SEPTIN6: variants seen among roughly 807,000 people sequenced by gnomAD.
SEPTIN6 encodes septin-6.
A neutral mutation model predicts 33.6 loss-of-function variants in SEPTIN6; 8 were observed. The ratio of observed to expected loss-of-function variants is 0.24; its 90% CI spans 0.14 to 0.43. The LOEUF is 0.43. Among genes scored for constraint, SEPTIN6 ranks in the 20% least tolerant of loss-of-function variants. The probability of loss-of-function intolerance (pLI) is 1.00; values close to 1 mark genes in which losing one functional copy is unlikely to be tolerated. For synonymous variants in SEPTIN6, 131 were observed against 140.0 expected (o/e 0.94, Z 0.45); for missense variants, 250 against 340.8 (o/e 0.73, Z 2.10).
intron 1 of SEPTIN6, among the ~76,000 whole-genome samples, chrX:119,677,859 C>T (rs12832146): frequency 0.15 from 16,706 of 112,136 alleles, 1,774 homozygotes; most frequent in African/African-American, 0.38. Flanking sequence ...CCACACCCTC[C>T]CAGTGGAGAA....
chrX:119,651,408 C>T (rs1266139614), intron 4 of SEPTIN6, among the ~76,000 whole-genome samples: 11 of 112,162 alleles, frequency 9.8e-5, no homozygotes, highest in African/African-American at 3.6e-4. Context: ...GGCAGTGGCT[C>T]ATGCTGCTAA....
Position 119,619,959 on chromosome X carries a change from A to G in SEPTIN6, c.*134T>C. 8.4e-7 allele frequency: 1 copy of G among 1,191,791 alleles called. No individual in the cohort carries two copies. The highest frequency in any genetic ancestry group is 1.8e-5 in the African/African-American group (1 of 56,511). On this transcript the variant is annotated 3_prime_UTR_variant, in exon 11 of 11. Transcript: ENST00000394610. Reference sequence around the variant, plus strand: ...GAAGAGAGGAGAGGGCGCGGGTTGGATTGTATGCCCCCCAGGCATGTTAAG... The same window carrying G: ...GAAGAGAGGAGAGGGCGCGGGTTGGGTTGTATGCCCCCCAGGCATGTTAAG...
At chrX:119,639,818 CT>C (rs1207605817) in intron 6 of SEPTIN6, among the ~76,000 whole-genome samples, 2 of 109,675 alleles carry the variant, frequency 1.8e-5, no homozygotes, top group Non-Finnish European at 3.8e-5. Context: ...TTCTTTCTTT[CT>C]TTTTTTTTGA....
At chrX:119,662,343 A>G (rs2054562791) in intron 3 of SEPTIN6, among the ~76,000 whole-genome samples, 1 of 111,730 alleles carries the variant, frequency 9.0e-6, no homozygotes, top group Non-Finnish European at 1.9e-5. Flanking sequence ...CAAACTTGAC[A>G]TGTCCAAAAC....
Position 119,617,119 on chromosome X carries a change from TG to T in SEPTIN6, c.*2973del. On this transcript the variant is annotated 3_prime_UTR_variant, in exon 11 of 11. Transcript: ENST00000394610. ...GTGTACGTGTGTGTGTGTGTGTGTG[TG>T]TGTGTGTGTGTGTGTGTGTGTGTGT... is the stretch of plus-strand genomic sequence containing the variant. 1.3e-6 allele frequency: 1 copy of T among 797,603 alleles called. No homozygotes were observed. The allele number at this position is 797,603 out of a possible 1,213,427, so 65.7% of individuals were successfully genotyped here.
At chrX:119,616,559 G>T, downstream of SEPTIN6, 1 of 579,880 alleles carries the variant, frequency 1.7e-6, no homozygotes, top group Non-Finnish European at 3.0e-6. Context: ...AGAGCTTCTT[G>T]CCTGGACACA....
chrX:119,676,184 G>A (rs189690501), intron 1 of SEPTIN6, among the ~76,000 whole-genome samples: 1 of 112,160 alleles, frequency 8.9e-6, no homozygotes, highest in African/African-American at 3.2e-5. Flanking sequence ...TTATTGGGCC[G>A]GGTTCAGTGG....
intron 5 of SEPTIN6, among the ~76,000 whole-genome samples, chrX:119,647,005 A>T (rs6646439): frequency 0.063 from 6,965 of 110,170 alleles, 183 homozygotes; most frequent in South Asian, 0.15. Context: ...AGCTCCTCTC[A>T]CAGGCATGCC....
At chrX:119,651,488 C>T (rs928735421) in intron 4 of SEPTIN6, among the ~76,000 whole-genome samples, 21 of 111,488 alleles carry the variant, frequency 1.9e-4, no homozygotes, top group African/African-American at 6.5e-4. Flanking sequence ...GCTTGGCCAA[C>T]ATGGTGAAAC....
At chrX:119,628,290 T>G (rs1218525078) in intron 9 of SEPTIN6, among the ~76,000 whole-genome samples, 1 of 107,572 alleles carries the variant, frequency 9.3e-6, no homozygotes, top group Non-Finnish European at 1.9e-5. Context: ...TATTTTTTTT[T>G]TTTTTTTAGA....
chrX:119,682,900 A>G (rs762901858), intron 1 of SEPTIN6, among the ~76,000 whole-genome samples: 159 of 111,930 alleles, frequency 1.4e-3, no homozygotes, highest in Admixed American at 5.2e-3. Flanking sequence ...AAAGTTTGAA[A>G]CTCATTGCTG....
Position 119,637,558 on chromosome X carries a change from TATCC to T in SEPTIN6, c.788-367_788-364del, listed in dbSNP as rs771516167. On this transcript the variant is annotated intron_variant, in intron 6 of 10. Coordinates refer to ENST00000394610, the MANE Select transcript of SEPTIN6 (RefSeq NM_145799.4). ...CCATCCACTCATCCATCCATCCATCTATCCATCCATCCATCCATCCATCCATCCA... is the reference window on the plus strand; with the variant it reads ...CCATCCACTCATCCATCCATCCATCTATCCATCCATCCATCCATCCATCCA... Among the ~76,000 whole-genome samples, 1,024 of 102,519 alleles carry T rather than the reference TATCC, an allele frequency of 1.0e-2. 6 individuals are homozygous for T. The highest frequency in any genetic ancestry group is 0.022 in the African/African-American group (598 of 27,335). The allele number at this position is 102,519 out of a possible 115,157, so 89.0% of individuals were successfully genotyped here.
At chrX:119,635,939 CAG>C (rs759736394) in intron 7 of SEPTIN6, among the ~76,000 whole-genome samples, 1 of 111,475 alleles carries the variant, frequency 9.0e-6, no homozygotes, top group South Asian at 3.8e-4. Context: ...ACACAGGAAA[CAG>C]AGGTATTCAG....
intron 3 of SEPTIN6, among the ~76,000 whole-genome samples, chrX:119,663,005 C>A (rs180823637): frequency 4.4e-5 from 5 of 112,380 alleles, no homozygotes; most frequent in Non-Finnish European, 9.4e-5. Flanking sequence ...GACCTCCCTA[C>A]GTGGAATTGA....
intron 7 of SEPTIN6, 97 bp from the exon 8 acceptor site, chrX:119,633,589 T>A (rs2054004841): frequency 9.6e-7 from 1 of 1,044,377 alleles, no homozygotes; most frequent in East Asian, 3.1e-5. Flanking sequence ...CTGTCCTCCC[T>A]TCCCCAGTTG....
intron 10 of SEPTIN6, among the ~76,000 whole-genome samples, chrX:119,623,707 C>T (rs2053806443): frequency 9.0e-6 from 1 of 111,557 alleles, no homozygotes; most frequent in Non-Finnish European, 1.9e-5. Context: ...GGAATGGTGG[C>T]ACATGCCTAT....
rs376451744 is a variant in SEPTIN6 at position 119,661,301 on chromosome X, C to G, written c.341+2181G>C. On this transcript the variant is annotated intron_variant, in intron 3 of 10. Coordinates refer to ENST00000394610, the MANE Select transcript of SEPTIN6 (RefSeq NM_145799.4). ...AAAAAATTAGCTGGGTGTGGTGGCA[C>G]GAGCCTGTAGTCCCAGCTACTCGGG... 2.1e-4 allele frequency among the ~76,000 whole-genome samples: 23 copies of G among 107,364 alleles called. No homozygotes were observed. The South Asian group carries it at 8.5e-3, about 40-fold the overall frequency. The allele number at this position is 107,364 out of a possible 115,157, so 93.2% of individuals were successfully genotyped here.
rs773977947 is a variant in SEPTIN6, at chrX:119,633,606, AGG to A, written c.957-116_957-115del. The A allele has an allele frequency of 6.1e-6, 6 of 981,022 alleles. No individual in the cohort carries two copies. In the African/African-American group the frequency reaches 7.7e-5, roughly 13 times the overall value. 80.8% of individuals were successfully genotyped at this position (981,022 alleles called of 1,213,427 possible). Reference sequence around the variant, plus strand: ...GTCCTCCCTTCCCCAGTTGTGAGCCAGGTACAAAAATAGAACCACAAAGCTGT... The same window carrying A: ...GTCCTCCCTTCCCCAGTTGTGAGCCATACAAAAATAGAACCACAAAGCTGT... On this transcript the variant is annotated intron_variant, in intron 7 of 10. Coordinates refer to ENST00000394610, the MANE Select transcript of SEPTIN6 (RefSeq NM_145799.4).
At chrX:119,691,641 C>T (rs915252776) in intron 1 of SEPTIN6, among the ~76,000 whole-genome samples, 1 of 111,630 alleles carries the variant, frequency 9.0e-6, no homozygotes, top group Admixed American at 9.5e-5. Context: ...ATGATCCTGC[C>T]CTTCCAAACA....
Sources: gnomAD v4.1 joint callset for allele counts (sites outside exome capture counted in the v4.1 genomes callset) on GRCh38, gnomAD v4.1.1 for gene constraint, MANE v1.5 for transcripts, NCBI Gene and HGNC (gene_info 2026-07-23, HGNC 2026-07-21) for gene names.